F5: variants seen among roughly 807,000 people sequenced by gnomAD.
F5 encodes the protein activated protein c cofactor.
F5 carries 138 observed loss-of-function variants against 216.4 expected under a neutral mutation model. The ratio of observed to expected loss-of-function variants is 0.64; its 90% confidence interval spans 0.56 to 0.73. The LOEUF (loss-of-function observed/expected upper bound fraction) is 0.73, where lower values mean the gene tolerates loss of function less well. Ranked by LOEUF, F5 falls within the 30% of genes least tolerant of loss-of-function variation. The pLI is 0.00. For synonymous variants in F5, 916 were observed against 930.7 expected (o/e 0.98, Z 0.29); for missense variants, 2,403 against 2,674.0 (o/e 0.90, Z 2.24).
At position 169,586,275 on chromosome 1, in the gene F5, C is replaced by A. The variant is rs184663825; in HGVS notation, c.112G>T (p.Ala38Ser). Residue 38 changes from alanine (A) to serine (S), a missense_variant, in exon 1 of 25, where the codon GCT (alanine) becomes TCT (serine). Physicochemically the swap from Ala to Ser is moderately conservative, Grantham distance 99. This residue lies in a region of F5 where 1,425 missense variants were observed against 1,554.8 expected (regional missense o/e 0.92). Transcript: ENST00000367797. ...CGGTAGCTCCAACTGATGCCCTGAG[C>A]AGCCACGTAGAACTGCCTTAGCTGT... ...AAQLRQFYVA[A>S]QGISWSYRPE... 2.7e-4 allele frequency: 436 copies of A among 1,614,198 alleles called. 2 individuals are homozygous for A. The highest frequency in any genetic ancestry group is 1.6e-4 in the Middle Eastern group (1 of 6,062).
At chr1:169,524,013 T>C (rs1442330938) in intron 19 of F5, 109 bp from the exon 20 acceptor site, 1 of 896,080 alleles carries the variant, frequency 1.1e-6, no homozygotes, top group Non-Finnish European at 1.8e-6. Context: ...ACCTGTGTTG[T>C]AGTCAGGAGT....
At chr1:169,548,893 A>T (rs1470901636) in intron 10 of F5, among the ~76,000 whole-genome samples, 7 of 151,408 alleles carry the variant, frequency 4.6e-5, no homozygotes, top group African/African-American at 7.3e-5. Flanking sequence ...AAAAAAACAA[A>T]TCCCAAAAGA....
Position 169,552,695 on chromosome 1 carries a change from T to G in F5, c.1158A>C (p.Gln386His). 6.2e-7 allele frequency: 1 copy of G among 1,612,606 alleles called. No individual in the cohort carries two copies. Residue 386 changes from glutamine to histidine, a missense_variant, in exon 8 of 25, where the codon CAA becomes CAC. This residue lies in a region of F5 where 1,425 missense variants were observed against 1,554.8 expected (regional missense o/e 0.92). Transcript: ENST00000367797. ...TAACTTTCTTATAATGTTTTCCAAT[T>G]TGGTTTGAGAAATTATCCAAATGCT... ...RSQHLDNFSNQIGKHYKKVMY... is the reference protein window; with the variant it reads ...RSQHLDNFSNHIGKHYKKVMY...
At position 169,540,342 on chromosome 1, in the gene F5, T is replaced by A. The variant is rs1312335135; in HGVS notation, c.4748A>T (p.Tyr1583Phe). The part of the protein sequence containing the change: ...RSNNGNRRNY[Y>F]IAAEEISWDY... The stretch of plus-strand genomic sequence containing the variant: ...CCAGGATATTTCTTCAGCAGCAATG[T>A]AATAATTTCTTCTGTTTCCATTGTT... Residue 1583 changes from tyrosine (Y) to phenylalanine (F), a missense_variant, in exon 13 of 25, where the codon TAC becomes TTC. Coordinates refer to ENST00000367797, the MANE Select transcript of F5 (RefSeq NM_000130.5). 6.2e-7 allele frequency: 1 copy of A among 1,613,966 alleles called. No individual in the cohort carries two copies. Among genetic ancestry groups the A allele is most frequent in the Non-Finnish European group, 8.5e-7 (1 of 1,179,890 alleles).
intron 2 of F5, among the ~76,000 whole-genome samples, chr1:169,575,939 A>G (rs1282068840): frequency 6.6e-6 from 1 of 152,180 alleles, no homozygotes; most frequent in Non-Finnish European, 1.5e-5. Context: ...GGTGGATCCC[A>G]TGTAATAACA....
chr1:169,572,314 C>T lies in F5; in HGVS notation c.280G>A (p.Val94Ile). Residue 94 changes from valine to isoleucine, a missense_variant, in exon 3 of 25, where the codon GTC (valine) becomes ATC (isoleucine). By Grantham distance (29) the Val-to-Ile change is conservative. Coordinates refer to ENST00000367797, the MANE Select transcript of F5 (RefSeq NM_000130.5). ...AAGTGAACTTTTATGATGTCTCCGA[C>T]TTCAGCATATAAAGTAGGCCCAAGA... The part of the protein sequence containing the change: ...GLLGPTLYAE[V>I]GDIIKVHFKN... 1 of 1,613,290 alleles carries T rather than the reference C, an allele frequency of 6.2e-7. No individual in the cohort carries two copies. Among genetic ancestry groups the T allele is most frequent in the Non-Finnish European group, 8.5e-7 (1 of 1,179,632 alleles).
At position 169,546,617 on chromosome 1, in the gene F5, T is replaced by C. The variant is rs751405253; in HGVS notation, c.1612-25A>G. Reference sequence around the variant, plus strand: ...TCTGGAGGACAAAACAGTATAGTACTGGTACAAGAACAGACGCATAGACCA... The same window carrying C: ...TCTGGAGGACAAAACAGTATAGTACCGGTACAAGAACAGACGCATAGACCA... On this transcript the variant is annotated intron_variant, in intron 10 of 24. Coordinates refer to ENST00000367797, the MANE Select transcript of F5 (RefSeq NM_000130.5). 21 of 1,609,964 alleles carry C rather than the reference T, an allele frequency of 1.3e-5. No homozygotes were observed. In the South Asian group the frequency reaches 2.3e-4, roughly 18 times the overall value.
chr1:169,540,592 C>A lies in F5; in HGVS notation c.4498G>T (p.Asp1500Tyr). The change falls in exon 13 of 25, where the codon GAT (aspartate) becomes TAT (tyrosine). Residue 1500 changes from aspartate to tyrosine, a missense_variant. Physicochemically the swap from Asp to Tyr is radical, Grantham distance 160. Coordinates refer to ENST00000367797, the MANE Select transcript of F5 (RefSeq NM_000130.5). ...TTAAATTCCTTTGATAGAAAAGTAT[C>A]ATTGAGAGTAGGAGATGAAGGAGAT... ...MPSPSSPTLN[D>Y]TFLSKEFNPL... 1 of 1,613,946 alleles carries A rather than the reference C, an allele frequency of 6.2e-7. No individual in the cohort carries two copies.
intron 5 of F5, among the ~76,000 whole-genome samples, chr1:169,557,681 G>A (rs529245474): frequency 6.6e-6 from 1 of 151,824 alleles, no homozygotes; most frequent in East Asian, 1.9e-4. Context: ...TTACATCTCA[G>A]ATACATAATC....
chr1:169,539,841 T>C (rs1014758265), intron 13 of F5, among the ~76,000 whole-genome samples: 1 of 152,206 alleles, frequency 6.6e-6, no homozygotes, highest in African/African-American at 2.4e-5. Flanking sequence ...ATTGTAAATA[T>C]TCTTTTAAAA....
At position 169,541,423 on chromosome 1, in the gene F5, A is replaced by G; in HGVS notation, c.3667T>C (p.Ser1223Pro). 1 of 1,613,358 alleles carries G rather than the reference A, an allele frequency of 6.2e-7. No homozygotes were observed. Among genetic ancestry groups the G allele is most frequent in the Non-Finnish European group, 8.5e-7 (1 of 1,179,810 alleles). The change falls in exon 13 of 25, where the codon TCC becomes CCC. Residue 1223 changes from serine (S) to proline (P), a missense_variant. Coordinates refer to ENST00000367797, the MANE Select transcript of F5 (RefSeq NM_000130.5). ...ATGGGCATCTGACCGAGGGCTGGGG[A>G]AAGGTTTCTCTGAATGAGTTCTGGA... The part of the protein sequence containing the change: ...LSPELIQRNL[S>P]PALGQMPISP...
chr1:169,543,224 T>C, intron 12 of F5, 110 bp from the exon 13 acceptor site: 1 of 984,440 alleles, frequency 1.0e-6, no homozygotes, highest in Non-Finnish European at 1.6e-6. Context: ...TCAGGAATAT[T>C]CAAGTATGGG....
rs1659951046 is a variant in F5 at position 169,544,457 on chromosome 1, T to C, written c.1814A>G (p.Asp605Gly). Residue 605 changes from aspartate (D) to glycine (G), a missense_variant, in exon 12 of 25, where the codon GAT becomes GGT. By Grantham distance (94) the Asp-to-Gly change is moderately conservative. This residue lies in a region of F5 where 1,425 missense variants were observed against 1,554.8 expected (regional missense o/e 0.92). Transcript: ENST00000367797. ...ESITTLGFCF[D>G]DTVQWHFCSV... is the part of the protein sequence containing the mutation. The stretch of plus-strand genomic sequence containing the variant: ...ACAGAAGTGCCACTGGACAGTGTCA[T>C]CAAAGCAGAATCCAAGAGTAGTTAT... The C allele has an allele frequency of 1.2e-6, 2 of 1,614,134 alleles. No individual in the cohort carries two copies. The highest frequency in any genetic ancestry group is 1.7e-6 in the Non-Finnish European group (2 of 1,180,002).
At chr1:169,525,722 G>T (rs1659429953) in intron 18 of F5, among the ~76,000 whole-genome samples, 179 bp downstream of exon 18, 1 of 152,188 alleles carries the variant, frequency 6.6e-6, no homozygotes, top group South Asian at 2.1e-4. Context: ...CTTTTGATCT[G>T]ACTGATGTGT....
intron 21 of F5, 35 bp from the exon 22 acceptor site, chr1:169,520,699 A>C: frequency 6.3e-7 from 1 of 1,576,838 alleles, no homozygotes; most frequent in South Asian, 1.1e-5. Context: ...TTATGTAACA[A>C]TGATCTATAA....
chr1:169,525,775 G>A, intron 18 of F5, 126 bp downstream of exon 18: 1 of 771,710 alleles, frequency 1.3e-6, no homozygotes, highest in Non-Finnish European at 2.3e-6. Flanking sequence ...AAGCAATTAT[G>A]GCTACAAATT....
intron 2 of F5, among the ~76,000 whole-genome samples, chr1:169,580,488 A>T (rs1660963751): frequency 6.6e-6 from 1 of 151,444 alleles, no homozygotes; most frequent in Non-Finnish European, 1.5e-5. Context: ...GGTTCAAGTG[A>T]TTCTCATGTC....
At chr1:169,525,185 T>C (rs570041590) in intron 18 of F5, among the ~76,000 whole-genome samples, 1 of 152,120 alleles carries the variant, frequency 6.6e-6, no homozygotes, top group Non-Finnish European at 1.5e-5. Context: ...TCTTAAATTA[T>C]GCTATTTTAC....
intron 5 of F5, 138 bp from the exon 6 acceptor site, chr1:169,557,005 G>T: frequency 2.7e-6 from 2 of 753,382 alleles, no homozygotes; most frequent in South Asian, 1.5e-5. Flanking sequence ...AGACACTCCA[G>T]TTGTAGTTTG....
Sources: allele counts gnomAD v4.1 joint callset (sites outside exome capture counted in the v4.1 genomes callset), GRCh38; gene constraint gnomAD v4.1.1; regional missense constraint gnomAD v4.1.1; transcripts MANE v1.5; gene names NCBI Gene and HGNC (gene_info 2026-07-23, HGNC 2026-07-21).